Variants in ELN observed in about 807,000 individuals in gnomAD.
ELN encodes elastin, also known as tropoelastin.
ELN carries 65 observed loss-of-function variants against 105.8 expected under a neutral mutation model. That is an observed-to-expected ratio of 0.61 (90% CI 0.50 to 0.75). The LOEUF is 0.75. ELN is among the 30% of genes least tolerant of loss of function. The probability of loss-of-function intolerance (pLI) is 0.00; values close to 1 mark genes in which losing one functional copy is unlikely to be tolerated. For missense variants in ELN, 882 were observed against 969.4 expected, an observed-to-expected ratio of 0.91 and a Z score of 1.20; for synonymous variants, 368 against 389.2, an observed-to-expected ratio of 0.95 and a Z score of 0.64.
intron 21 of ELN, 53 bp downstream of exon 21, chr7:74,056,766 G>A: frequency 4.3e-6 from 7 of 1,611,922 alleles, no homozygotes; most frequent in Non-Finnish European, 5.9e-6. Context: ...GCGGGGCTCA[G>A]GGTCCAACCT....
intron 15 of ELN, among the ~76,000 whole-genome samples, chr7:74,048,893 CTCCATCCATTCATCCATCCA>C (rs1243166763): frequency 2.0e-5 from 3 of 150,894 alleles, no homozygotes; most frequent in Non-Finnish European, 3.0e-5. Context: ...CCATCTCTCC[CTCCATCCATTCATCCATCCA>C]TCCATCCATT....
intron 4 of ELN, among the ~76,000 whole-genome samples, chr7:74,039,855 C>G (rs1554667467): frequency 6.6e-6 from 1 of 152,236 alleles, no homozygotes; most frequent in Non-Finnish European, 1.5e-5. Flanking sequence ...GCAAATTGAC[C>G]TGCTTGTGCT....
chr7:74,038,382 A>G (rs1429609973), intron 4 of ELN, among the ~76,000 whole-genome samples: 2 of 152,216 alleles, frequency 1.3e-5, no homozygotes, highest in African/African-American at 2.4e-5. Flanking sequence ...GCCCAAGCTG[A>G]GCACCGACCA....
At position 74,057,793 on chromosome 7, in the gene ELN, C is replaced by T. The variant is rs1583926674; in HGVS notation, c.1414+97C>T. 3 of 1,416,152 alleles carry T rather than the reference C, an allele frequency of 2.1e-6. No homozygotes were observed. The East Asian group carries it at 7.0e-5, about 33-fold the overall frequency. The allele number at this position is 1,416,152 out of a possible 1,614,324, so 87.7% of individuals were successfully genotyped here. On this transcript the variant is annotated intron_variant, in intron 22 of 32. Coordinates refer to ENST00000252034, the MANE Select transcript of ELN (RefSeq NM_000501.4). ...CCGCCCAGCTTCCTGTTCCTTTCCA[C>T]CCCACTTAAGCTGTCACATTCTGGG...
intron 13 of ELN, 44 bp downstream of exon 13, chr7:74,047,760 T>C: frequency 6.2e-7 from 1 of 1,613,454 alleles, no homozygotes; most frequent in Non-Finnish European, 8.5e-7. Flanking sequence ...GCTCTTTCCC[T>C]CTCCAGGGTC....
At chr7:74,028,316 C>T in intron 1 of ELN, 47 bp downstream of exon 1, 1 of 1,578,134 alleles carries the variant, frequency 6.3e-7, no homozygotes, top group Non-Finnish European at 8.6e-7. Context: ...CAGCTGCGGG[C>T]CCTTTGGGCC....
In ELN at chr7:74,042,661, G is replaced by C. The variant is rs1554669275; in HGVS notation, c.280G>C (p.Gly94Arg). ...AVTFPGALVP[G>R]GVADAAAAYK... ...TACCTTTCCGGGGGCTCTGGTGCCT[G>C]GTGGAGTGGCTGACGCTGCTGCAGC... is the stretch of plus-strand genomic sequence containing the variant. Residue 94 changes from glycine to arginine, a missense_variant, in exon 6 of 33, where the codon GGT becomes CGT. Coordinates refer to ENST00000252034, the MANE Select transcript of ELN (RefSeq NM_000501.4). The C allele has an allele frequency of 6.2e-7, 1 of 1,613,676 alleles. No individual in the cohort carries two copies. The highest frequency in any genetic ancestry group is 8.5e-7 in the Non-Finnish European group (1 of 1,180,014).
chr7:74,039,338 C>A (rs1170972071), intron 4 of ELN, among the ~76,000 whole-genome samples: 1 of 152,172 alleles, frequency 6.6e-6, no homozygotes, highest in African/African-American at 2.4e-5. Flanking sequence ...GGCAGTGTTT[C>A]CAGGCAAGGG....
rs1794094874 is a variant in ELN, at chr7:74,051,786, G to A, written c.836G>A (p.Gly279Glu). The A allele has an allele frequency of 6.2e-7, 1 of 1,614,210 alleles. No homozygotes were observed. Among genetic ancestry groups the A allele is most frequent in the Non-Finnish European group, 8.5e-7 (1 of 1,180,034 alleles). The change falls in exon 16 of 33, where the codon GGG becomes GAG. Residue 279 changes from glycine (G) to glutamate (E), a missense_variant. By Grantham distance (98) the Gly-to-Glu change is moderately conservative. Coordinates refer to ENST00000252034, the MANE Select transcript of ELN (RefSeq NM_000501.4). ...GAAGVLPGVG[G>E]AGVPGVPGAI... ...GCCGGAGTCCTCCCTGGTGTTGGAGGGGCTGGTGTTCCTGGCGTGCCTGGG... is the reference window on the plus strand; with the variant it reads ...GCCGGAGTCCTCCCTGGTGTTGGAGAGGCTGGTGTTCCTGGCGTGCCTGGG...
chr7:74,063,329 C>CAAAGCTTTG lies in ELN; in HGVS notation c.1878_1879insAAAGCTTTG (p.Ala626_Ala627insLysAlaLeu), dbSNP rs1563868747. On this transcript the variant is annotated inframe_insertion, in exon 28 of 33. Transcript: ENST00000252034. The surrounding 1 kb of genome is among the most constrained non-coding windows in gnomAD (Gnocchi z 4.1). ...TCCCAGGAGCCGGACCCGCCGCCGC[C>CAAAGCTTTG]GCTGCCGCAGCCAAAGCTGCTGCCA... The CAAAGCTTTG allele has an allele frequency of 7.1e-6, 11 of 1,550,986 alleles. No individual in the cohort carries two copies. The South Asian group carries it at 1.2e-4, about 17-fold the overall frequency.
chr7:74,055,059 G>A (rs1391895849), intron 19 of ELN, among the ~76,000 whole-genome samples: 2 of 152,246 alleles, frequency 1.3e-5, no homozygotes, highest in Non-Finnish European at 2.9e-5. Flanking sequence ...CTGGGGATGT[G>A]GATTCTGCCA....
rs60029188 is a variant in ELN at position 74,031,860 on chromosome 7, AGAAGGAAGGAAG to A, written c.83-3460_83-3449del. ...AGAAAGAAAGAAAGGAAGGAAGGAA[AGAAGGAAGGAAG>A]GAAGGAAGGAAGGAAGGAAGGAAGG... On this transcript the variant is annotated intron_variant, in intron 1 of 32. Transcript: ENST00000252034. Among the ~76,000 whole-genome samples, 891 of 107,208 alleles carry A rather than the reference AGAAGGAAGGAAG, an allele frequency of 8.3e-3. 6 individuals carry two copies. Among genetic ancestry groups the A allele is most frequent in the East Asian group, 0.045 (152 of 3,348 alleles). 70.3% of individuals were successfully genotyped at this position (107,208 alleles called of 152,430 possible). A position where few individuals can be genotyped will look rare whatever the true frequency, so the allele number is the denominator to read the frequency against.
chr7:74,041,179 C>T (rs782030714), intron 4 of ELN, 37 bp from the exon 5 acceptor site: 4 of 1,613,734 alleles, frequency 2.5e-6, no homozygotes, highest in South Asian at 1.1e-5. Context: ...GGCCTAGGAA[C>T]ACTGCCTACA....
chr7:74,035,718 AC>A (rs1789780277), intron 2 of ELN: 1 of 458,430 alleles, frequency 2.2e-6, no homozygotes, highest in Non-Finnish European at 4.0e-6. Context: ...ACACACACAC[AC>A]ACACAAATTT....
chr7:74,041,668 C>T (rs2131396743), intron 5 of ELN, among the ~76,000 whole-genome samples: 1 of 152,224 alleles, frequency 6.6e-6, no homozygotes, highest in South Asian at 2.1e-4. Context: ...GATCATGTCA[C>T]TGCACTCCAG....
rs782373144 is a variant in ELN, at chr7:74,060,426, G to A, written c.1672G>A (p.Gly558Ser). Residue 558 changes from glycine (G) to serine (S), a missense_variant, in exon 25 of 33, where the codon GGC (glycine) becomes AGC (serine). Gly to Ser is a moderately conservative substitution (Grantham distance 56, BLOSUM62 0). Transcript: ENST00000252034. ...AGIPGLGVGV[G>S]VPGLGVGAGV... ...CATCCCTGGACTTGGAGTTGGTGTC[G>A]GCGTCCCTGGACTTGGAGTTGGTGC... 5.6e-6 allele frequency: 9 copies of A among 1,614,054 alleles called. No homozygotes were observed. Among genetic ancestry groups the A allele is most frequent in the East Asian group, 4.5e-5 (2 of 44,890 alleles).
chr7:74,038,124 C>T (rs1790405435), intron 4 of ELN: 1 of 339,640 alleles, frequency 2.9e-6, no homozygotes, highest in Non-Finnish European at 5.8e-6. Flanking sequence ...GGAGCTCAGA[C>T]ACAGATCCTC....
chr7:74,060,313 C>G, intron 24 of ELN, 63 bp from the exon 25 acceptor site: 5 of 1,613,996 alleles, frequency 3.1e-6, no homozygotes, highest in Non-Finnish European at 4.2e-6. Flanking sequence ...GCTCCCTGGG[C>G]AGGACACCTC....
chr7:74,033,546 AT>A (rs1303484169), intron 1 of ELN, among the ~76,000 whole-genome samples: 103 of 152,298 alleles, frequency 6.8e-4, no homozygotes, highest in Middle Eastern at 3.4e-3. Context: ...TTCTGACCAG[AT>A]TACTTGCACA....
Sources: gnomAD v4.1 joint callset for allele counts (sites outside exome capture counted in the v4.1 genomes callset) on GRCh38, gnomAD v4.1.1 for gene constraint, Gnocchi (gnomAD v3.1) non-coding constraint, MANE v1.5 for transcripts, NCBI Gene and HGNC (gene_info 2026-07-23, HGNC 2026-07-21) for gene names.